NINJ2: variants seen among roughly 807,000 people sequenced by gnomAD.
The protein encoded by NINJ2 is ninjurin-2.
NINJ2 carries 12 observed loss-of-function variants against 11.7 expected under a neutral mutation model. The ratio of observed to expected loss-of-function variants is 1.02; its 90% CI spans 0.66 to 1.66. The LOEUF is 1.66. Ranked by LOEUF, NINJ2 falls within the 40% of genes most tolerant of loss-of-function variation. NINJ2 has a pLI of 0.00. For synonymous variants in NINJ2, 93 were observed against 76.8 expected (o/e 1.21, Z -1.10); for missense variants, 187 against 181.8 (o/e 1.03, Z -0.16).
chr12:662,690 C>T (rs569283038), intron 1 of NINJ2, among the ~76,000 whole-genome samples: 3 of 152,148 alleles, frequency 2.0e-5, no homozygotes, highest in Admixed American at 6.6e-5. Flanking sequence ...CTCCTCTCAC[C>T]GTAACATCCC....
chr12:661,799 G>A (rs1937961409), intron 1 of NINJ2, among the ~76,000 whole-genome samples: 1 of 152,218 alleles, frequency 6.6e-6, no homozygotes, highest in Non-Finnish European at 1.5e-5. Flanking sequence ...GGGCCAATTA[G>A]GTGACCTTAT....
intron 1 of NINJ2, among the ~76,000 whole-genome samples, chr12:600,650 T>TGG (rs979689256): frequency 1.2e-4 from 16 of 128,118 alleles, no homozygotes; most frequent in East Asian, 5.0e-4. Context: ...AGAATTTTTT[T>TGG]GGGGTGTGTG....
intron 1 of NINJ2, chr12:586,163 C>T (rs183132981): frequency 6.6e-6 from 1 of 152,368 alleles, no homozygotes; most frequent in East Asian, 1.9e-4. Flanking sequence ...TTCAAGATGG[C>T]AAAAGCAGAG....
intron 1 of NINJ2, among the ~76,000 whole-genome samples, chr12:592,276 T>A (rs368726973): frequency 1.3e-5 from 2 of 152,020 alleles, no homozygotes; most frequent in Non-Finnish European, 2.9e-5. Flanking sequence ...CTAGATAACA[T>A]GAGGGAGTCA....
intron 1 of NINJ2, among the ~76,000 whole-genome samples, chr12:654,445 C>T (rs1213937169): frequency 2.0e-5 from 3 of 150,154 alleles, no homozygotes; most frequent in Non-Finnish European, 4.4e-5. Context: ...TGCTTGAACC[C>T]GGGAGGCAGA....
chr12:611,988 A>C (rs1473666747), intron 1 of NINJ2, among the ~76,000 whole-genome samples: 1 of 152,208 alleles, frequency 6.6e-6, no homozygotes, highest in Non-Finnish European at 1.5e-5. Flanking sequence ...AGGTCTGGCT[A>C]ATGAGAACTT....
chr12:579,411 A>G (rs1175074151), intron 1 of NINJ2, among the ~76,000 whole-genome samples: 1 of 152,176 alleles, frequency 6.6e-6, no homozygotes, highest in Non-Finnish European at 1.5e-5. Flanking sequence ...GCCCCTGTGA[A>G]AGAAAACTAG....
intron 1 of NINJ2, among the ~76,000 whole-genome samples, chr12:639,138 G>T (rs540596219): frequency 1.3e-5 from 2 of 152,086 alleles, no homozygotes; most frequent in East Asian, 3.9e-4. Context: ...ACTACCCCTA[G>T]TCGCAGACAT....
intron 1 of NINJ2, among the ~76,000 whole-genome samples, chr12:646,993 C>T (rs1198584524): frequency 2.0e-5 from 3 of 152,204 alleles, no homozygotes; most frequent in African/African-American, 7.2e-5. Context: ...TTCACAGAAG[C>T]TTGGAGGTGA....
intron 1 of NINJ2, among the ~76,000 whole-genome samples, chr12:650,572 G>A (rs1358570397): frequency 1.3e-5 from 2 of 152,078 alleles, no homozygotes; most frequent in Non-Finnish European, 2.9e-5. Context: ...GGTGGCGGGT[G>A]CCTGTAGTCC....
intron 2 of NINJ2, 44 bp downstream of exon 2, chr12:565,906 C>G: frequency 6.4e-7 from 1 of 1,568,202 alleles, no homozygotes; most frequent in Non-Finnish European, 8.8e-7. Flanking sequence ...CTGCCAGCCA[C>G]GGGTGCCGAG....
chr12:603,607 T>C (rs1947900755), intron 1 of NINJ2, among the ~76,000 whole-genome samples: 1 of 151,898 alleles, frequency 6.6e-6, no homozygotes, highest in African/African-American at 2.4e-5. Context: ...CCAACTTTAT[T>C]CTTTTCCATG....
chr12:602,095 T>A (rs1443122492), intron 1 of NINJ2, among the ~76,000 whole-genome samples: 1 of 152,188 alleles, frequency 6.6e-6, no homozygotes, highest in Admixed American at 6.5e-5. Flanking sequence ...AGGAACCCCA[T>A]GCATAAGGTA....
intron 1 of NINJ2, among the ~76,000 whole-genome samples, chr12:619,783 T>C (rs1193498314): frequency 6.6e-6 from 1 of 152,218 alleles, no homozygotes; most frequent in Non-Finnish European, 1.5e-5. Context: ...TAAAGTAGTA[T>C]TGCATAGTGA....
intron 1 of NINJ2, among the ~76,000 whole-genome samples, chr12:584,255 C>G (rs1166970638): frequency 6.6e-6 from 1 of 152,202 alleles, no homozygotes; most frequent in Non-Finnish European, 1.5e-5. Flanking sequence ...AGAATCGTTT[C>G]CTGGCCAGGT....
Position 567,748 on chromosome 12 carries a change from G to A in NINJ2, c.34-1570C>T, listed in dbSNP as rs920157528. On this transcript the variant is annotated intron_variant, in intron 1 of 3. Transcript: ENST00000305108. ...AGGCTGGGTGCAGTGGCTCATGCCC[G>A]TAACTCCAGCACTTTGAGAGGCCAA... is the stretch of plus-strand genomic sequence containing the variant. Among the ~76,000 whole-genome samples, 13 of 152,308 alleles carry A rather than the reference G, an allele frequency of 8.5e-5. No individual in the cohort carries two copies. The South Asian group carries it at 1.0e-3, about 12-fold the overall frequency.
chr12:574,004 A>T (rs1424527237), intron 1 of NINJ2, among the ~76,000 whole-genome samples: 1 of 152,166 alleles, frequency 6.6e-6, no homozygotes, highest in African/African-American at 2.4e-5. Flanking sequence ...GAGGCGGATC[A>T]TGAGGTCAAG....
intron 2 of NINJ2, 169 bp downstream of exon 2, chr12:565,781 G>T (rs769732091): frequency 2.8e-6 from 2 of 702,462 alleles, no homozygotes; most frequent in South Asian, 1.5e-5. Flanking sequence ...CTGCCCTCGC[G>T]GGGTGGAAGT....
intron 1 of NINJ2, among the ~76,000 whole-genome samples, chr12:648,086 T>G (rs1937720140): frequency 6.6e-6 from 1 of 152,224 alleles, no homozygotes; most frequent in African/African-American, 2.4e-5. Context: ...AATACATTTT[T>G]TTTTGGATGG....
Sources: allele counts gnomAD v4.1 joint callset (sites outside exome capture counted in the v4.1 genomes callset), GRCh38; gene constraint gnomAD v4.1.1; transcripts MANE v1.5; gene names NCBI Gene and HGNC (gene_info 2026-07-23, HGNC 2026-07-21).